The following SANBR variants were observed in gnomAD, a reference collection of about 807,000 sequenced individuals.
SANBR encodes the protein SANT and BTB domain regulator of CSR.
SANBR carries 77 observed loss-of-function variants against 101.8 expected under a neutral mutation model. The observed-to-expected ratio is 0.76, with a 90% CI of 0.63 to 0.91. The LOEUF (loss-of-function observed/expected upper bound fraction) is 0.91, where lower values mean the gene tolerates loss of function less well. SANBR is among the 40% of genes least tolerant of loss of function. The pLI, the probability that SANBR is intolerant of heterozygous loss-of-function variation, is 0.00. For missense variants in SANBR, 875 were observed against 853.0 expected, an observed-to-expected ratio of 1.03 and a Z score of -0.32; for synonymous variants, 279 against 274.7, an observed-to-expected ratio of 1.02 and a Z score of -0.15.
chr2:61,124,095 A>G lies in SANBR; in HGVS notation c.*1933A>G, dbSNP rs993298835. ...GGGTGACAGAGCAAGACTCCATCTC[A>G]ATTTAAAACAAAAAAAGAATGTGTT... On this transcript the variant is annotated 3_prime_UTR_variant, in exon 22 of 22. Coordinates refer to ENST00000402291, the MANE Select transcript of SANBR (RefSeq NM_001129993.3). 1.4e-4 allele frequency: 131 copies of G among 933,736 alleles called. No homozygotes were observed. The highest frequency in any genetic ancestry group is 1.6e-4 in the Non-Finnish European group (127 of 782,962). The allele number at this position is 933,736 out of a possible 1,614,324, so 57.8% of individuals were successfully genotyped here.
intron 12 of SANBR, among the ~76,000 whole-genome samples, chr2:61,100,579 G>A (rs1416948621): frequency 1.3e-5 from 2 of 152,194 alleles, no homozygotes; most frequent in African/African-American, 4.8e-5. Context: ...CAGGAGAGAA[G>A]AGTAGAATGG....
At chr2:61,069,358 G>C (rs1681340867) in intron 2 of SANBR, among the ~76,000 whole-genome samples, 1 of 152,060 alleles carries the variant, frequency 6.6e-6, no homozygotes, top group Non-Finnish European at 1.5e-5. Flanking sequence ...TCACCTACTT[G>C]TGTTGCTGCA....
chr2:61,069,725 A>G (rs1015694326), intron 2 of SANBR: 7 of 152,370 alleles, frequency 4.6e-5, no homozygotes, highest in African/African-American at 1.4e-4. Context: ...ACACATTGAT[A>G]TAAAAAAGTT....
chr2:61,087,978 TTTAC>T (rs1682532975), intron 8 of SANBR, among the ~76,000 whole-genome samples, 177 bp from the exon 9 acceptor site: 1 of 152,204 alleles, frequency 6.6e-6, no homozygotes. Context: ...CTTTATTTTA[TTTAC>T]TTAATAATAA....
At chr2:61,084,416 G>A (rs759939693) in intron 8 of SANBR, among the ~76,000 whole-genome samples, 1 of 152,064 alleles carries the variant, frequency 6.6e-6, no homozygotes, top group Non-Finnish European at 1.5e-5. Context: ...AGTGAATTAT[G>A]TTAAAAATTA....
chr2:61,136,989 A>G (rs898077848), intron 21 of SANBR, among the ~76,000 whole-genome samples: 17 of 151,078 alleles, frequency 1.1e-4, no homozygotes, highest in African/African-American at 3.4e-4. Flanking sequence ...CAACAACAAC[A>G]ACGATAATAA....
intron 17 of SANBR, 59 bp downstream of exon 17, chr2:61,116,129 C>A: frequency 1.7e-5 from 20 of 1,192,124 alleles, no homozygotes; most frequent in Middle Eastern, 2.0e-4. Context: ...GTGAGTATAG[C>A]CAGAAAAAAA....
intron 20 of SANBR, among the ~76,000 whole-genome samples, chr2:61,130,745 G>C (rs551494785): frequency 2.6e-5 from 4 of 151,000 alleles, no homozygotes; most frequent in African/African-American, 9.7e-5. Flanking sequence ...TCAGGAGTTC[G>C]ACACCAGCCT....
rs1684426640 is a variant in SANBR at position 61,123,759 on chromosome 2, A to G, written c.*1597A>G. The stretch of plus-strand genomic sequence containing the variant: ...CTGGGAGGCCTATACCACTGAATTA[A>G]TTTTTACAAACCAGAGTTTATCAGA... On this transcript the variant is annotated 3_prime_UTR_variant, in exon 22 of 22. Coordinates refer to ENST00000402291, the MANE Select transcript of SANBR (RefSeq NM_001129993.3). 1.0e-6 allele frequency: 1 copy of G among 985,514 alleles called. No homozygotes were observed. Among genetic ancestry groups the G allele is most frequent in the Non-Finnish European group, 1.2e-6 (1 of 829,914 alleles). The allele number at this position is 985,514 out of a possible 1,614,324, so 61.0% of individuals were successfully genotyped here.
intron 21 of SANBR, among the ~76,000 whole-genome samples, chr2:61,136,612 G>A (rs962212906): frequency 6.6e-6 from 1 of 151,142 alleles, no homozygotes; most frequent in Non-Finnish European, 1.5e-5. Flanking sequence ...CTGGGCGACA[G>A]AGCGAGACTA....
rs756824060 is a variant in SANBR, at chr2:61,123,221, CT to C, written c.*1062del. On this transcript the variant is annotated 3_prime_UTR_variant, in exon 22 of 22. Transcript: ENST00000402291. ...AAATTATATGTAGGTCTCTGAAAAACTTTAAGATGCACTGTTTCTATTTTTT... is the reference window on the plus strand; with the variant it reads ...AAATTATATGTAGGTCTCTGAAAAACTTAAGATGCACTGTTTCTATTTTTT... 5.1e-6 allele frequency: 5 copies of C among 972,440 alleles called. No individual in the cohort carries two copies. Among genetic ancestry groups the C allele is most frequent in the Non-Finnish European group, 4.9e-6 (4 of 818,090 alleles). The allele number at this position is 972,440 out of a possible 1,614,324, so 60.2% of individuals were successfully genotyped here.
At chr2:61,089,734 C>T (rs1682642833) in intron 10 of SANBR, 1 of 152,226 alleles carries the variant, frequency 6.6e-6, no homozygotes, top group Non-Finnish European at 1.5e-5. Flanking sequence ...AAAACAAGTT[C>T]TCATTCTGAG....
In SANBR at chr2:61,123,661, C is replaced by T. The variant is rs764547103; in HGVS notation, c.*1499C>T. 38 of 985,060 alleles carry T rather than the reference C, an allele frequency of 3.9e-5. No homozygotes were observed. The highest frequency in any genetic ancestry group is 1.2e-4 in the African/African-American group (7 of 57,178). 61.0% of individuals were successfully genotyped at this position (985,060 alleles called of 1,614,324 possible). A position where few individuals can be genotyped will look rare whatever the true frequency, so the allele number is the denominator to read the frequency against. ...CATGTAAACAGTGCTGTAATGGTCA[C>T]GACTAGATAAGGAAAAAATATATAT... On this transcript the variant is annotated 3_prime_UTR_variant, in exon 22 of 22. Transcript: ENST00000402291.
intron 12 of SANBR, among the ~76,000 whole-genome samples, chr2:61,103,288 C>T (rs1559119833): frequency 6.6e-6 from 1 of 151,882 alleles, no homozygotes; most frequent in Non-Finnish European, 1.5e-5. Context: ...GAGGCATGCA[C>T]CACCACACCC....
downstream of SANBR, among the ~76,000 whole-genome samples, chr2:61,124,703 C>CA (rs777185693): frequency 0.036 from 3,464 of 95,950 alleles, 117 homozygotes; most frequent in African/African-American, 0.09. Flanking sequence ...AAGACCCTAT[C>CA]AAAAAAAAAA....
chr2:61,081,645 A>G (rs10186015), intron 7 of SANBR, 135 bp downstream of exon 7: 2 of 1,019,782 alleles, frequency 2.0e-6, no homozygotes, highest in East Asian at 6.5e-5. Context: ...TTGTTAATTC[A>G]GGAATATAAT....
At position 61,088,193 on chromosome 2, in the gene SANBR, G is replaced by C. The variant is rs532987041; in HGVS notation, c.925G>C (p.Asp309His). The change falls in exon 9 of 22, where the codon GAT (aspartate) becomes CAT (histidine). Residue 309 changes from aspartate (D) to histidine (H), a missense_variant. Asp to His is a moderately conservative substitution (Grantham distance 81). Coordinates refer to ENST00000402291, the MANE Select transcript of SANBR (RefSeq NM_001129993.3). ...TTGTAAGAAGATTGAAAGACTGTTT[G>C]ATCCTGAGTACTTGAATCCAGATTC... ...LFCKKIERLF[D>H]PEYLNPDSRS... 5 of 1,607,066 alleles carry C rather than the reference G, an allele frequency of 3.1e-6. No homozygotes were observed. The highest frequency in any genetic ancestry group is 4.5e-5 in the East Asian group (2 of 44,710).
intron 3 of SANBR, 51 bp downstream of exon 3, chr2:61,070,551 A>T (rs1681408221): frequency 6.5e-7 from 1 of 1,538,600 alleles, no homozygotes; most frequent in Non-Finnish European, 8.8e-7. Flanking sequence ...AGAAAAGGTC[A>T]TCAATTTAAA....
intron 20 of SANBR, among the ~76,000 whole-genome samples, chr2:61,130,489 C>T (rs71420387): frequency 6.6e-6 from 1 of 152,104 alleles, no homozygotes; most frequent in Non-Finnish European, 1.5e-5. Flanking sequence ...ACCAGTATCT[C>T]TTATGAATAT....
Sources: gnomAD v4.1 joint callset for allele counts (sites outside exome capture counted in the v4.1 genomes callset) on GRCh38, gnomAD v4.1.1 for gene constraint, MANE v1.5 for transcripts, NCBI Gene and HGNC (gene_info 2026-07-23, HGNC 2026-07-21) for gene names.